The following ZFAND2A variants were observed in gnomAD, a reference collection of about 807,000 sequenced individuals.
ZFAND2A encodes AN1-type zinc finger protein 2A.
In ZFAND2A, 20 loss-of-function variants were observed where a neutral mutation model predicts 11.6. That is an observed-to-expected ratio of 1.72 (90% CI 1.21 to 2.50). The LOEUF is 2.50. Ranked by LOEUF, ZFAND2A falls within the 30% of genes most tolerant of loss-of-function variation. The pLI is 0.00. For missense variants in ZFAND2A, 234 were observed against 182.9 expected, an observed-to-expected ratio of 1.28 and a Z score of -1.61; for synonymous variants, 93 against 60.6, an observed-to-expected ratio of 1.54 and a Z score of -2.48.
intron 4 of ZFAND2A, 127 bp downstream of exon 4, chr7:1,155,326 C>T (rs1267357440): frequency 7.3e-6 from 10 of 1,368,000 alleles, no homozygotes; most frequent in Middle Eastern, 2.8e-4. Context: ...GATAACGCAG[C>T]GTTAGGACTC....
chr7:1,159,153 G>A (rs1445314937), intron 1 of ZFAND2A, among the ~76,000 whole-genome samples: 2 of 151,924 alleles, frequency 1.3e-5, no homozygotes, highest in Admixed American at 6.6e-5. Context: ...GCCCTCCTTC[G>A]CCCACAGCTT....
At chr7:1,152,445 G>T (rs1563159021), downstream of ZFAND2A, 1 of 1,381,432 alleles carries the variant, frequency 7.2e-7, no homozygotes, top group East Asian at 2.6e-5. Context: ...CTGGCCCAGG[G>T]ATGGACGCCA....
chr7:1,157,682 G>A lies in ZFAND2A; in HGVS notation c.124C>T (p.His42Tyr). ...FCKDHFPYAA[H>Y]KCPFAFQKDV... ...TTCTGGAATGCAAACGGACACTTATGTGCAGCGTATGGAAAATGATCTTTA... is the reference window on the plus strand; with the variant it reads ...TTCTGGAATGCAAACGGACACTTATATGCAGCGTATGGAAAATGATCTTTA... Residue 42 changes from histidine to tyrosine, a missense_variant, in exon 3 of 5, where the codon CAT becomes TAT. Physicochemically the swap from His to Tyr is moderately conservative, Grantham distance 83. Coordinates refer to ENST00000316495, the MANE Select transcript of ZFAND2A (RefSeq NM_182491.4). The A allele has an allele frequency of 1.3e-6, 2 of 1,573,770 alleles. No individual in the cohort carries two copies. Among genetic ancestry groups the A allele is most frequent in the Non-Finnish European group, 8.6e-7 (1 of 1,165,626 alleles).
rs1793563456 is a variant in ZFAND2A at position 1,157,715 on chromosome 7, C to T, written c.91G>A (p.Asp31Asn). The change falls in exon 3 of 5, where the codon GAT becomes AAT. Residue 31 changes from aspartate to asparagine, a missense_variant. By Grantham distance (23) the Asp-to-Asn change is conservative. Transcript: ENST00000316495. ...TATGGAAAATGATCTTTACAGAAATCTTGTTTACATGCATCACATTTTACT... is the reference window on the plus strand; with the variant it reads ...TATGGAAAATGATCTTTACAGAAATTTTGTTTACATGCATCACATTTTACT... ...LPVKCDACKQ[D>N]FCKDHFPYAA... 2 of 1,561,754 alleles carry T rather than the reference C, an allele frequency of 1.3e-6. No homozygotes were observed. Among genetic ancestry groups the T allele is most frequent in the Non-Finnish European group, 1.7e-6 (2 of 1,157,736 alleles).
At chr7:1,153,742 C>T (rs13245024) in intron 4 of ZFAND2A, among the ~76,000 whole-genome samples, 55,472 of 151,968 alleles carry the variant, frequency 0.37, 10,461 homozygotes, top group Non-Finnish European at 0.4. Flanking sequence ...CTCAGGAGTT[C>T]GAGACAAGCT....
chr7:1,155,426 A>AG, intron 4 of ZFAND2A, 27 bp downstream of exon 4: 1 of 1,599,348 alleles, frequency 6.3e-7, no homozygotes. Flanking sequence ...TCCCAGATGA[A>AG]GGAACTGAGG....
At chr7:1,152,797 C>T (rs562062898), downstream of ZFAND2A, 118 of 561,054 alleles carry the variant, frequency 2.1e-4, no homozygotes, top group African/African-American at 2.0e-3. Flanking sequence ...CGACATCCTG[C>T]GCCTGGACCT....
chr7:1,151,288 C>T (rs975557032), downstream of ZFAND2A, among the ~76,000 whole-genome samples: 2 of 152,194 alleles, frequency 1.3e-5, no homozygotes, highest in Non-Finnish European at 1.5e-5. Context: ...AGGTCAGGAA[C>T]GGGCACGCAG....
chr7:1,157,385 T>TA, intron 3 of ZFAND2A: 1 of 281,506 alleles, frequency 3.6e-6, no homozygotes, highest in South Asian at 8.0e-5. Flanking sequence ...GCTTGGAACA[T>TA]AAGGTTACAA....
chr7:1,151,086 C>A (rs1217434036), downstream of ZFAND2A, among the ~76,000 whole-genome samples: 1 of 152,186 alleles, frequency 6.6e-6, no homozygotes, highest in East Asian at 1.9e-4. Context: ...TGGGGTTTCA[C>A]CATGTTGACC....
Position 1,159,660 on chromosome 7 carries a change from G to A in ZFAND2A, c.-46+304C>T, listed in dbSNP as rs1235170680. Among the ~76,000 whole-genome samples the A allele has an allele frequency of 3.7e-5, 2 of 54,632 alleles. 1 individual carries two copies. Among genetic ancestry groups the A allele is most frequent in the Non-Finnish European group, 7.9e-5 (2 of 25,276 alleles). The allele number at this position is 54,632 out of a possible 152,430, so 35.8% of individuals were successfully genotyped here. A position where few individuals can be genotyped will look rare whatever the true frequency, so the allele number is the denominator to read the frequency against. ...CAGACCCCGGCAGGCCCGGTCCCCA[G>A]CAGACAGGCCGGACCCCCAGCAGCC... On this transcript the variant is annotated intron_variant, in intron 1 of 4. Transcript: ENST00000316495.
downstream of ZFAND2A, chr7:1,152,478 G>A (rs999578945): frequency 3.5e-5 from 39 of 1,113,394 alleles, no homozygotes; most frequent in Non-Finnish European, 4.7e-5. Context: ...TGCAACAGTT[G>A]AGGCAAATAC....
chr7:1,155,259 C>T (rs538881790), intron 4 of ZFAND2A, among the ~76,000 whole-genome samples, 194 bp downstream of exon 4: 1 of 152,296 alleles, frequency 6.6e-6, no homozygotes, highest in African/African-American at 2.4e-5. Flanking sequence ...TGGGATCCCT[C>T]ATATTAAAGA....
downstream of ZFAND2A, among the ~76,000 whole-genome samples, chr7:1,150,312 T>C (rs557604670): frequency 5.9e-5 from 9 of 151,758 alleles, no homozygotes; most frequent in South Asian, 1.7e-3. Context: ...CATTTTTAGA[T>C]GGTGAAAGCA....
rs1793650577 is a variant in ZFAND2A at position 1,160,047 on chromosome 7, C to T, written c.-129G>A. 6.5e-6 allele frequency: 1 copy of T among 153,598 alleles called. No homozygotes were observed. Among genetic ancestry groups the T allele is most frequent in the East Asian group, 1.9e-4 (1 of 5,180 alleles). The allele number at this position is 153,598 out of a possible 1,614,324, so 9.5% of individuals were successfully genotyped here. A position where few individuals can be genotyped will look rare whatever the true frequency, so the allele number is the denominator to read the frequency against. Reference sequence around the variant, plus strand: ...CTCAGGTGTCCTCCTCCGTAGTCGGCTCCGGGTAGCTAAGCAGAAAGAACC... The same window carrying T: ...CTCAGGTGTCCTCCTCCGTAGTCGGTTCCGGGTAGCTAAGCAGAAAGAACC... On this transcript the variant is annotated 5_prime_UTR_variant, in exon 1 of 5. Transcript: ENST00000316495.
chr7:1,153,605 A>G (rs1284162429), intron 4 of ZFAND2A, among the ~76,000 whole-genome samples: 1 of 152,202 alleles, frequency 6.6e-6, no homozygotes, highest in Non-Finnish European at 1.5e-5. Flanking sequence ...TCCTGTCTGC[A>G]CAGAGTACAG....
chr7:1,155,858 C>G (rs1307447625), intron 3 of ZFAND2A, among the ~76,000 whole-genome samples: 1 of 152,238 alleles, frequency 6.6e-6, no homozygotes, highest in African/African-American at 2.4e-5. Context: ...CAGGCTGGCA[C>G]CGCCCAGGTG....
At chr7:1,151,762 T>TTAAAAAAAAAAAAAAAAAAAAA (rs1554344524), downstream of ZFAND2A, among the ~76,000 whole-genome samples, 2 of 87,156 alleles carry the variant, frequency 2.3e-5, no homozygotes, top group African/African-American at 1.1e-4. Context: ...TCATCCCTTT[T>TTAAAAAAAAAAAAAAAAAAAAA]AAAAAAAAAA....
intron 4 of ZFAND2A, among the ~76,000 whole-genome samples, chr7:1,155,090 A>G (rs1346688014): frequency 6.6e-6 from 1 of 152,168 alleles, no homozygotes; most frequent in African/African-American, 2.4e-5. Context: ...TCACCATGGC[A>G]CTCCAGCCTG....
Sources: allele counts gnomAD v4.1 joint callset (sites outside exome capture counted in the v4.1 genomes callset), GRCh38; gene constraint gnomAD v4.1.1; transcripts MANE v1.5; gene names NCBI Gene and HGNC (gene_info 2026-07-23, HGNC 2026-07-21).